Variants in PKP2 observed in about 807,000 individuals in gnomAD.
PKP2 encodes plakophilin-2.
PKP2 carries 73 observed loss-of-function variants against 83.4 expected under a neutral mutation model. The observed-to-expected ratio is 0.88, with a 90% CI of 0.72 to 1.06. PKP2 has a LOEUF of 1.06. Ranked by LOEUF, PKP2 falls within the 50% of genes least tolerant of loss-of-function variation. The pLI, the probability that PKP2 is intolerant of heterozygous loss-of-function variation, is 0.00. For synonymous variants in PKP2, 409 were observed against 430.4 expected (o/e 0.95, Z 0.62); for missense variants, 966 against 1,065.4 (o/e 0.91, Z 1.30).
In PKP2 at chr12:32,878,025, A is replaced by T; in HGVS notation, c.855T>A (p.Ala285=). The change falls in exon 3 of 13, where the codon GCT becomes GCA. Residue 285 remains alanine, a synonymous_variant. Transcript: ENST00000340811. ...AGCTCTGATGCCAGGAGGACCTGGA[A>T]GCCCTGTTCTGAGTGACGGGCTGCA... is the stretch of plus-strand genomic sequence containing the variant. ...VPLQPVTQNR[A]SRSSWHQSSF... The T allele has an allele frequency of 6.2e-7, 1 of 1,614,000 alleles. No homozygotes were observed. Among genetic ancestry groups the T allele is most frequent in the South Asian group, 1.1e-5 (1 of 91,076 alleles).
In PKP2 at chr12:32,896,739, G is replaced by A. The variant is rs767539502; in HGVS notation, c.-8C>T. On this transcript the variant is annotated 5_prime_UTR_variant, in exon 1 of 13. Coordinates refer to ENST00000340811, the MANE Select transcript of PKP2 (RefSeq NM_001005242.3). ...GGCGCCGGGGGCTGCCATGGGGCCG[G>A]TGGGGGCGACCGAGCTGCTCGCCTG... 2.8e-6 allele frequency: 4 copies of A among 1,405,782 alleles called. No individual in the cohort carries two copies. Among genetic ancestry groups the A allele is most frequent in the Middle Eastern group, 2.5e-4 (1 of 3,978 alleles). The allele number at this position is 1,405,782 out of a possible 1,614,324, so 87.1% of individuals were successfully genotyped here. A position where few individuals can be genotyped will look rare whatever the true frequency, so the allele number is the denominator to read the frequency against.
In PKP2 at chr12:32,838,168, C is replaced by T. The variant is rs118114449; in HGVS notation, c.1556+2860G>A. 1.6e-3 allele frequency among the ~76,000 whole-genome samples: 246 copies of T among 152,256 alleles called. 1 individual carries two copies. In the East Asian group the frequency reaches 0.018, roughly 11 times the overall value. On this transcript the variant is annotated intron_variant, in intron 6 of 12. Coordinates refer to ENST00000340811, the MANE Select transcript of PKP2 (RefSeq NM_001005242.3). The stretch of plus-strand genomic sequence containing the variant: ...CCAAGAAAAAGAATGAAATCGTGTC[C>T]TTGGCAGCAACATGGATGCAGCTGG...
Position 32,822,504 on chromosome 12 carries a change from A to C in PKP2, c.1802T>G (p.Ile601Ser). 6.2e-7 allele frequency: 1 copy of C among 1,614,052 alleles called. No individual in the cohort carries two copies. Reference sequence around the variant, plus strand: ...CCTGCTTCGACTGCCAAAACATCCAATACTTTTGTTGTTGTCAGTCTGGAT... The same window carrying C: ...CCTGCTTCGACTGCCAAAACATCCACTACTTTTGTTGTTGTCAGTCTGGAT... The part of the protein sequence containing the change: ...RNIQTDNNKS[I>S]GCFGSRSRKV... The change falls in exon 8 of 13, where the codon ATT (isoleucine) becomes AGT (serine). Residue 601 changes from isoleucine (I) to serine (S), a missense_variant. Coordinates refer to ENST00000340811, the MANE Select transcript of PKP2 (RefSeq NM_001005242.3).
intron 9 of PKP2, among the ~76,000 whole-genome samples, chr12:32,812,149 G>C (rs1209221243): frequency 7.0e-6 from 1 of 142,294 alleles, no homozygotes; most frequent in Non-Finnish European, 1.5e-5. Context: ...AGGATGCTGA[G>C]TAAACTGTGT....
chr12:32,851,796 C>T (rs1265454711), intron 4 of PKP2, among the ~76,000 whole-genome samples: 1 of 152,172 alleles, frequency 6.6e-6, no homozygotes, highest in African/African-American at 2.4e-5. Context: ...TAACCAATTG[C>T]ATGGAGTATT....
Position 32,850,796 on chromosome 12 carries a change from T to C in PKP2, c.1348A>G (p.Arg450Gly). Residue 450 changes from arginine to glycine, a missense_variant, in exon 5 of 13, where the codon AGA (arginine) becomes GGA (glycine). Arg to Gly is a moderately radical substitution (Grantham distance 125, BLOSUM62 -2). Transcript: ENST00000340811. ...ATTTGTTTTTTAGTCTCCAAGTCTC[T>C]GGTTTGCTTCAGCACCTGGAGCAGC... ...PRLLQVLKQT[R>G]DLETKKQITG... 2 of 1,613,218 alleles carry C rather than the reference T, an allele frequency of 1.2e-6. No homozygotes were observed. Among genetic ancestry groups the C allele is most frequent in the Non-Finnish European group, 1.7e-6 (2 of 1,179,830 alleles).
In PKP2 at chr12:32,792,676, C is replaced by A. The variant is rs1956081042; in HGVS notation, c.2413G>T (p.Ala805Ser). Residue 805 changes from alanine (A) to serine (S), a missense_variant, in exon 12 of 13, where the codon GCA becomes TCA. Physicochemically the swap from Ala to Ser is moderately conservative, Grantham distance 99. Coordinates refer to ENST00000340811, the MANE Select transcript of PKP2 (RefSeq NM_001005242.3). ...AASVLLYSLW[A>S]HTELHHAYKK... Reference sequence around the variant, plus strand: ...TAGGCATGATGCAGTTCCGTGTGTGCCCACAGAGAATACAGAAGGACGGAA... The same window carrying A: ...TAGGCATGATGCAGTTCCGTGTGTGACCACAGAGAATACAGAAGGACGGAA... 1 of 1,613,812 alleles carries A rather than the reference C, an allele frequency of 6.2e-7. No individual in the cohort carries two copies. The highest frequency in any genetic ancestry group is 1.3e-5 in the African/African-American group (1 of 74,886).
chr12:32,801,856 C>T lies in PKP2; in HGVS notation c.2167+547G>A, dbSNP rs150710259. The stretch of plus-strand genomic sequence containing the variant: ...GTCAAAGGCAAAATATGTCTCATCA[C>T]AGTTACTCAAAAAAAATCCATGCCA... On this transcript the variant is annotated intron_variant, in intron 10 of 12. Transcript: ENST00000340811. Among the ~76,000 whole-genome samples the T allele has an allele frequency of 7.0e-3, 1,066 of 152,088 alleles. 12 individuals are homozygous for T. The highest frequency in any genetic ancestry group is 0.024 in the African/African-American group (993 of 41,474).
chr12:32,841,954 T>C (rs1956596644), intron 5 of PKP2, among the ~76,000 whole-genome samples: 1 of 152,220 alleles, frequency 6.6e-6, no homozygotes, highest in Non-Finnish European at 1.5e-5. Context: ...TATTTACTCA[T>C]TAAATTTTCT....
At chr12:32,891,719 T>A (rs1957076701) in intron 1 of PKP2, among the ~76,000 whole-genome samples, 1 of 152,170 alleles carries the variant, frequency 6.6e-6, no homozygotes, top group Non-Finnish European at 1.5e-5. Flanking sequence ...ATCTGTCACA[T>A]ATAGAACAAT....
At chr12:32,846,570 C>A (rs1389730347) in intron 5 of PKP2, among the ~76,000 whole-genome samples, 1 of 151,838 alleles carries the variant, frequency 6.6e-6, no homozygotes, top group Non-Finnish European at 1.5e-5. Context: ...CATGGAGAAA[C>A]CTCCATCTCT....
At chr12:32,802,251 A>G (rs1956187930) in intron 10 of PKP2, 152 bp downstream of exon 10, 1 of 775,812 alleles carries the variant, frequency 1.3e-6, no homozygotes, top group African/African-American at 1.7e-5. Flanking sequence ...TGTTTGTGAT[A>G]TCTGGTGGCA....
rs886049319 is a variant in PKP2 at position 32,792,244 on chromosome 12, G to C, written c.*180C>G. 6.1e-6 allele frequency: 4 copies of C among 652,444 alleles called. No individual in the cohort carries two copies. The highest frequency in any genetic ancestry group is 5.6e-6 in the Non-Finnish European group (2 of 359,318). The allele number at this position is 652,444 out of a possible 1,614,324, so 40.4% of individuals were successfully genotyped here. On this transcript the variant is annotated 3_prime_UTR_variant, in exon 13 of 13. Transcript: ENST00000340811. ...GCCGGTATCTACTGGTGGCAAACTT[G>C]CAAAGGTCTTCTGGAAGACTCATAA...
At chr12:32,829,320 T>G (rs1486331527) in intron 6 of PKP2, among the ~76,000 whole-genome samples, 1 of 151,514 alleles carries the variant, frequency 6.6e-6, no homozygotes, top group Non-Finnish European at 1.5e-5. Flanking sequence ...GGTGGCACAA[T>G]CACAGCTCAC....
At chr12:32,792,847 C>T in intron 11 of PKP2, 116 bp from the exon 12 acceptor site, 1 of 802,562 alleles carries the variant, frequency 1.2e-6, no homozygotes, top group Non-Finnish European at 2.2e-6. Flanking sequence ...AGCAGCCATC[C>T]ATGAAGTCAG....
At chr12:32,881,606 C>T (rs180806719) in intron 1 of PKP2, among the ~76,000 whole-genome samples, 13 of 152,098 alleles carry the variant, frequency 8.5e-5, no homozygotes, top group Admixed American at 2.6e-4. Context: ...TCCTTAAGGA[C>T]GCTGACATTT....
At chr12:32,832,626 G>C (rs545886642) in intron 6 of PKP2, among the ~76,000 whole-genome samples, 3 of 152,166 alleles carry the variant, frequency 2.0e-5, no homozygotes, top group South Asian at 2.1e-4. Context: ...TCTATTTTTG[G>C]GAAAGCCAAT....
At chr12:32,797,200 G>A (rs1956133827) in intron 10 of PKP2, among the ~76,000 whole-genome samples, 1 of 151,950 alleles carries the variant, frequency 6.6e-6, no homozygotes. Context: ...AGCACTTTGG[G>A]AGGCTGAGGT....
At chr12:32,853,928 CA>C (rs1956723188) in intron 4 of PKP2, among the ~76,000 whole-genome samples, 1 of 152,178 alleles carries the variant, frequency 6.6e-6, no homozygotes, top group Non-Finnish European at 1.5e-5. Context: ...TACTGTGGCA[CA>C]GTGCCTGTTT....
Sources: allele counts gnomAD v4.1 joint callset (sites outside exome capture counted in the v4.1 genomes callset), GRCh38; gene constraint gnomAD v4.1.1; transcripts MANE v1.5; gene names NCBI Gene and HGNC (gene_info 2026-07-23, HGNC 2026-07-21).